LZIC: variants seen among roughly 807,000 people sequenced by gnomAD.
LZIC encodes leucine zipper and CTNNBIP1 domain containing.
A neutral mutation model predicts 25.4 loss-of-function variants in LZIC; 28 were observed. That is an observed-to-expected ratio of 1.10 (90% CI 0.82 to 1.51). The LOEUF is 1.51. LZIC is among the 40% of genes most tolerant of loss of function. The pLI is 0.00. For missense variants in LZIC, 170 were observed against 211.1 expected, an observed-to-expected ratio of 0.81 and a Z score of 1.21; for synonymous variants, 65 against 70.7, an observed-to-expected ratio of 0.92 and a Z score of 0.40.
chr1:9,940,384 T>G (rs994107913), intron 2 of LZIC, among the ~76,000 whole-genome samples: 1 of 152,108 alleles, frequency 6.6e-6, no homozygotes, highest in African/African-American at 2.4e-5. Flanking sequence ...TTTCATCGTG[T>G]TAGCCAGGAT....
rs1640856329 is a variant in LZIC, at chr1:9,943,229, G to A, written c.-168+20C>T. On this transcript the variant is annotated intron_variant, in intron 1 of 7. Coordinates refer to ENST00000377223, the MANE Select transcript of LZIC (RefSeq NM_032368.5). ...AGGTAGCCGTAAACCCATGGTCCCC[G>A]AAACTCCTTCCGGGCCTACCTGACA... is the stretch of plus-strand genomic sequence containing the variant. The A allele has an allele frequency of 6.2e-6, 1 of 160,668 alleles. No individual in the cohort carries two copies. Among genetic ancestry groups the A allele is most frequent in the Non-Finnish European group, 1.4e-5 (1 of 72,080 alleles). 10.0% of individuals were successfully genotyped at this position (160,668 alleles called of 1,614,324 possible). A position where few individuals can be genotyped will look rare whatever the true frequency, so the allele number is the denominator to read the frequency against.
rs765149898 is a variant in LZIC at position 9,930,430 on chromosome 1, G to T, written c.542C>A (p.Ala181Glu). ...TTTTGTTTTTTCAACCTCAAAACTTGCCAGAGCAAGAATTTTGTCTCCAGA... is the reference window on the plus strand; with the variant it reads ...TTTTGTTTTTTCAACCTCAAAACTTTCCAGAGCAAGAATTTTGTCTCCAGA... ...LGSGDKILAL[A>E]SFEVEKTKK The change falls in exon 8 of 8, where the codon GCA (alanine) becomes GAA (glutamate). Residue 181 changes from alanine (A) to glutamate (E), a missense_variant. Transcript: ENST00000377223. 6.2e-7 allele frequency: 1 copy of T among 1,613,486 alleles called. No homozygotes were observed. Among genetic ancestry groups the T allele is most frequent in the Admixed American group, 1.7e-5 (1 of 59,976 alleles).
chr1:9,931,366 C>T (rs1640204265), intron 7 of LZIC, among the ~76,000 whole-genome samples: 1 of 152,060 alleles, frequency 6.6e-6, no homozygotes, highest in Non-Finnish European at 1.5e-5. Context: ...GGGTTCACAC[C>T]ATTCTCCTGC....
rs1001134136 is a variant in LZIC at position 9,929,451 on chromosome 1, T to C, written c.*948A>G. 1 of 985,410 alleles carries C rather than the reference T, an allele frequency of 1.0e-6. No individual in the cohort carries two copies. The highest frequency in any genetic ancestry group is 1.2e-6 in the Non-Finnish European group (1 of 829,930). The allele number at this position is 985,410 out of a possible 1,614,324, so 61.0% of individuals were successfully genotyped here. On this transcript the variant is annotated 3_prime_UTR_variant, in exon 8 of 8. Transcript: ENST00000377223. ...ACATGTAAATACTCAGGAGAGAAAT[T>C]TGCTTTTCCTCATAACTTATTTTGT...
At position 9,934,841 on chromosome 1, in the gene LZIC, C is replaced by T. The variant is rs758358249; in HGVS notation, c.257G>A (p.Ser86Asn). Residue 86 changes from serine to asparagine, a missense_variant, in exon 5 of 8, where the codon AGC (serine) becomes AAC (asparagine). Physicochemically the swap from Ser to Asn is conservative, Grantham distance 46. Coordinates refer to ENST00000377223, the MANE Select transcript of LZIC (RefSeq NM_032368.5). Reference protein sequence around the residue: ...GMQLAIQAAISQAFKTPEVIR... With the variant: ...GMQLAIQAAINQAFKTPEVIR... ...GACCTCTGGGGTTTTAAAGGCCTGG[C>T]TGATAGCTGCCTGAATAGCCTAGAA... 4 of 1,614,068 alleles carry T rather than the reference C, an allele frequency of 2.5e-6. No individual in the cohort carries two copies. The East Asian group carries it at 8.9e-5, about 36-fold the overall frequency.
In LZIC at chr1:9,942,559, T is replaced by TA. The variant is rs1473681365; in HGVS notation, c.-9+64dup. Reference sequence around the variant, plus strand: ...CTAAATGTGGTGCACTTTTCACTTTTACGAAACTACAGAAACCGCTCTCAG... The same window carrying TA: ...CTAAATGTGGTGCACTTTTCACTTTTAACGAAACTACAGAAACCGCTCTCAG... On this transcript the variant is annotated intron_variant, in intron 2 of 7. Transcript: ENST00000377223. 23 of 782,602 alleles carry TA rather than the reference T, an allele frequency of 2.9e-5. No homozygotes were observed. In the African/African-American group the frequency reaches 3.8e-4, roughly 13 times the overall value. The allele number at this position is 782,602 out of a possible 1,614,324, so 48.5% of individuals were successfully genotyped here.
chr1:9,930,749 C>A (rs1207665240), intron 7 of LZIC, among the ~76,000 whole-genome samples: 1 of 151,914 alleles, frequency 6.6e-6, no homozygotes, highest in African/African-American at 2.4e-5. Context: ...GATGGAGTTT[C>A]GCTCTTGTCG....
chr1:9,933,230 G>C (rs1228166547), intron 5 of LZIC, among the ~76,000 whole-genome samples: 1 of 116,394 alleles, frequency 8.6e-6, no homozygotes, highest in Non-Finnish European at 1.6e-5. Flanking sequence ...ACTCCAGCCT[G>C]GGTGACAGAG....
rs1318984458 is a variant in LZIC at position 9,930,248 on chromosome 1, A to G, written c.*151T>C. 4.0e-6 allele frequency: 6 copies of G among 1,508,266 alleles called. No individual in the cohort carries two copies. The highest frequency in any genetic ancestry group is 1.4e-5 in the South Asian group (1 of 73,102). The allele number at this position is 1,508,266 out of a possible 1,614,324, so 93.4% of individuals were successfully genotyped here. On this transcript the variant is annotated 3_prime_UTR_variant, in exon 8 of 8. Coordinates refer to ENST00000377223, the MANE Select transcript of LZIC (RefSeq NM_032368.5). The stretch of plus-strand genomic sequence containing the variant: ...ACGCACAATGATGAAGAGCATAAAC[A>G]CAAGCCATAAGTATATTTTTATGTC...
In LZIC at chr1:9,927,919, C is replaced by T. The variant is rs558052290; in HGVS notation, c.*2480G>A. 6.6e-6 allele frequency among the ~76,000 whole-genome samples: 1 copy of T among 152,054 alleles called. No individual in the cohort carries two copies. Among genetic ancestry groups the T allele is most frequent in the East Asian group, 1.9e-4 (1 of 5,138 alleles). Reference sequence around the variant, plus strand: ...TGAGCTCCTGATCTTGTGATCCGCCCGCCTTGGCCTCCTGAAGTGCTGGGA... The same window carrying T: ...TGAGCTCCTGATCTTGTGATCCGCCTGCCTTGGCCTCCTGAAGTGCTGGGA... On this transcript the variant is annotated 3_prime_UTR_variant, in exon 8 of 8. Coordinates refer to ENST00000377223, the MANE Select transcript of LZIC (RefSeq NM_032368.5).
At chr1:9,922,581 T>C (rs1639890359), downstream of LZIC, among the ~76,000 whole-genome samples, 1 of 152,252 alleles carries the variant, frequency 6.6e-6, no homozygotes, top group Admixed American at 6.5e-5. Flanking sequence ...TCCCTGCCCC[T>C]AGCACAGTGC....
At chr1:9,934,733 G>C in intron 5 of LZIC, 29 bp downstream of exon 5, 1 of 1,579,876 alleles carries the variant, frequency 6.3e-7, no homozygotes, top group Non-Finnish European at 8.7e-7. Context: ...AAAACACACA[G>C]CAACCAAATC....
At chr1:9,932,945 T>C (rs1640291300) in intron 5 of LZIC, 47 bp from the exon 6 acceptor site, 9 of 1,277,306 alleles carry the variant, frequency 7.0e-6, no homozygotes, top group Non-Finnish European at 1.0e-5. Context: ...TGAAAAACAT[T>C]CCATATACAA....
Position 9,942,865 on chromosome 1 carries a change from G to C in LZIC, c.-167-83C>G, listed in dbSNP as rs184587512. 4.9e-4 allele frequency: 200 copies of C among 408,186 alleles called. 1 individual carries two copies. The highest frequency in any genetic ancestry group is 3.5e-3 in the South Asian group (191 of 55,004). 25.3% of individuals were successfully genotyped at this position (408,186 alleles called of 1,614,324 possible). ...AAGGCAGTCCAGATAACTTCCACTTGAGCAGCCTGAGACATCAAGGGCGGG... is the reference window on the plus strand; with the variant it reads ...AAGGCAGTCCAGATAACTTCCACTTCAGCAGCCTGAGACATCAAGGGCGGG... On this transcript the variant is annotated intron_variant, in intron 1 of 7. Transcript: ENST00000377223.
At chr1:9,924,289 AAC>A (rs1270449928), downstream of LZIC, among the ~76,000 whole-genome samples, 2 of 152,246 alleles carry the variant, frequency 1.3e-5, no homozygotes, top group African/African-American at 4.8e-5. Context: ...TTAACAATAA[AAC>A]ACTTAATTGT....
intron 3 of LZIC, 129 bp from the exon 4 acceptor site, chr1:9,935,756 A>G (rs2101599782): frequency 2.5e-6 from 2 of 801,282 alleles, no homozygotes; most frequent in Non-Finnish European, 3.8e-6. Flanking sequence ...GTGTTCACAT[A>G]GTAGTAGTGA....
intron 3 of LZIC, among the ~76,000 whole-genome samples, chr1:9,936,214 C>T (rs1336277025): frequency 6.6e-6 from 1 of 151,560 alleles, no homozygotes; most frequent in Non-Finnish European, 1.5e-5. Flanking sequence ...TCAAGTAGTA[C>T]CTTCTTAGCC....
chr1:9,940,794 C>T (rs1333121870), intron 2 of LZIC, among the ~76,000 whole-genome samples: 1 of 152,156 alleles, frequency 6.6e-6, no homozygotes, highest in East Asian at 1.9e-4. Context: ...GATATGCAAA[C>T]ATAAACAAGT....
Position 9,932,789 on chromosome 1 carries a change from T to C in LZIC, c.432+14A>G. On this transcript the variant is annotated intron_variant, in intron 6 of 7. Transcript: ENST00000377223. ...ATACTTTTTCTTTGTAACTAATATA[T>C]TAAATACTGGTACCTTCTCTCCAAG... is the stretch of plus-strand genomic sequence containing the variant. The C allele has an allele frequency of 6.8e-7, 1 of 1,471,058 alleles. No individual in the cohort carries two copies. The highest frequency in any genetic ancestry group is 9.5e-7 in the Non-Finnish European group (1 of 1,051,468). The allele number at this position is 1,471,058 out of a possible 1,614,324, so 91.1% of individuals were successfully genotyped here.
Sources: allele counts gnomAD v4.1 joint callset (sites outside exome capture counted in the v4.1 genomes callset), GRCh38; gene constraint gnomAD v4.1.1; transcripts MANE v1.5; gene names NCBI Gene and HGNC (gene_info 2026-07-23, HGNC 2026-07-21).